HS6ST3: variants seen among roughly 807,000 people sequenced by gnomAD.
HS6ST3 encodes the protein heparan-sulfate 6-O-sulfotransferase 3.
In HS6ST3, 12 loss-of-function variants were observed where a neutral mutation model predicts 36.7. The observed-to-expected ratio is 0.33, with a 90% CI of 0.21 to 0.53. The LOEUF (loss-of-function observed/expected upper bound fraction) is 0.53. Ranked by LOEUF, HS6ST3 falls within the 20% of genes least tolerant of loss-of-function variation. The pLI is 0.95. For synonymous variants in HS6ST3, 240 were observed against 257.5 expected, an observed-to-expected ratio of 0.93 and a Z score of 0.65; for missense variants, 584 against 640.9, an observed-to-expected ratio of 0.91 and a Z score of 0.96.
chr13:96,721,425 C>G (rs945895802), intron 1 of HS6ST3, among the ~76,000 whole-genome samples: 33 of 152,086 alleles, frequency 2.2e-4, no homozygotes, highest in African/African-American at 8.0e-4. Context: ...TAATATTTCT[C>G]TAATAATAAT....
At chr13:96,749,715 C>G (rs1876652921) in intron 1 of HS6ST3, among the ~76,000 whole-genome samples, 1 of 151,956 alleles carries the variant, frequency 6.6e-6, no homozygotes, top group South Asian at 2.1e-4. Context: ...ATTTTAATTT[C>G]TTCTATGGTC....
intron 1 of HS6ST3, among the ~76,000 whole-genome samples, chr13:96,524,563 C>T (rs1036150524): frequency 7.2e-5 from 11 of 152,176 alleles, no homozygotes; most frequent in African/African-American, 2.2e-4. Flanking sequence ...AGCATAGAAC[C>T]GTCTGCTCAA....
intron 1 of HS6ST3, among the ~76,000 whole-genome samples, chr13:96,158,671 A>AAAG (rs2054121752): frequency 6.6e-6 from 1 of 151,190 alleles, no homozygotes; most frequent in African/African-American, 2.4e-5. Context: ...AAAAAAAAAA[A>AAAG]AAAATAGAGA....
intron 1 of HS6ST3, among the ~76,000 whole-genome samples, chr13:96,568,236 T>C (rs2138960194): frequency 6.6e-6 from 1 of 152,298 alleles, no homozygotes; most frequent in Admixed American, 6.5e-5. Context: ...ATATTCATAC[T>C]TCAGTGTATT....
chr13:96,498,493 C>A (rs1438663952), intron 1 of HS6ST3, among the ~76,000 whole-genome samples: 2 of 152,154 alleles, frequency 1.3e-5, no homozygotes, highest in Non-Finnish European at 2.9e-5. Context: ...TTAAATGTCT[C>A]CTCCTGATTG....
intron 1 of HS6ST3, among the ~76,000 whole-genome samples, chr13:96,618,877 C>T (rs2056484011): frequency 6.6e-6 from 1 of 152,168 alleles, no homozygotes; most frequent in African/African-American, 2.4e-5. Flanking sequence ...GGAAACAAAA[C>T]TTGAGTGCCA....
intron 1 of HS6ST3, among the ~76,000 whole-genome samples, chr13:96,151,132 C>G (rs991366123): frequency 2.0e-5 from 3 of 152,096 alleles, no homozygotes; most frequent in African/African-American, 7.2e-5. Context: ...CGCTGGGCAC[C>G]AGGGCTCATG....
At chr13:96,535,025 G>A (rs74107909) in intron 1 of HS6ST3, among the ~76,000 whole-genome samples, 10,440 of 152,234 alleles carry the variant, frequency 0.069, 428 homozygotes, top group African/African-American at 0.092. Flanking sequence ...TTCAAAGTAA[G>A]GCCTGCCCAG....
intron 1 of HS6ST3, among the ~76,000 whole-genome samples, chr13:96,139,097 G>T (rs113331045): frequency 0.02 from 3,056 of 152,178 alleles, 88 homozygotes; most frequent in African/African-American, 0.068. Flanking sequence ...CTGAGGAATT[G>T]TCACTTGAAG....
At chr13:96,604,781 G>C (rs1413547666) in intron 1 of HS6ST3, among the ~76,000 whole-genome samples, 1 of 152,114 alleles carries the variant, frequency 6.6e-6, no homozygotes, top group Non-Finnish European at 1.5e-5. Flanking sequence ...TTTTTACTTT[G>C]TTTCTTCTTT....
chr13:96,277,198 A>G (rs2054752533), intron 1 of HS6ST3, among the ~76,000 whole-genome samples: 1 of 152,176 alleles, frequency 6.6e-6, no homozygotes, highest in African/African-American at 2.4e-5. Flanking sequence ...CCATATTTCA[A>G]GTTCCATCCA....
chr13:96,636,241 G>T (rs1302647881), intron 1 of HS6ST3, among the ~76,000 whole-genome samples: 1 of 152,124 alleles, frequency 6.6e-6, no homozygotes, highest in Non-Finnish European at 1.5e-5. Flanking sequence ...TGAGAAAATC[G>T]TACAGCAAGC....
At chr13:96,562,403 T>C (rs560856687) in intron 1 of HS6ST3, among the ~76,000 whole-genome samples, 52 of 152,236 alleles carry the variant, frequency 3.4e-4, no homozygotes, top group African/African-American at 1.2e-3. Flanking sequence ...GTTGAAGAAC[T>C]GTTGGGTACT....
chr13:96,317,505 A>G (rs1178321254), intron 1 of HS6ST3, among the ~76,000 whole-genome samples: 1 of 150,802 alleles, frequency 6.6e-6, no homozygotes, highest in Non-Finnish European at 1.5e-5. Flanking sequence ...GCTATTGTGA[A>G]CAGCATGGCA....
intron 1 of HS6ST3, among the ~76,000 whole-genome samples, chr13:96,319,384 T>C (rs1039570894): frequency 5.9e-5 from 9 of 152,258 alleles, no homozygotes; most frequent in Non-Finnish European, 1.2e-4. Flanking sequence ...ATTTTGCTTA[T>C]CCATTCATCA....
intron 1 of HS6ST3, among the ~76,000 whole-genome samples, chr13:96,360,057 A>G (rs2055229746): frequency 6.6e-6 from 1 of 152,104 alleles, no homozygotes; most frequent in South Asian, 2.1e-4. Flanking sequence ...CTTCTGGAGG[A>G]CAGGGCAGAG....
At chr13:96,689,803 C>CAAGAAATAGAATTTT (rs71117607) in intron 1 of HS6ST3, among the ~76,000 whole-genome samples, 149,478 of 151,752 alleles carry the variant, frequency 0.99, 73,657 homozygotes, top group Middle Eastern at 1. Flanking sequence ...GGATGTTTGT[C>CAAGAAATAGAATTTT]AACTTCGGAG....
At chr13:96,789,419 A>G (rs1877726603) in intron 1 of HS6ST3, among the ~76,000 whole-genome samples, 1 of 151,780 alleles carries the variant, frequency 6.6e-6, no homozygotes, top group East Asian at 1.9e-4. Flanking sequence ...TGGATATTAG[A>G]TCCAATGGTT....
At chr13:96,398,069 A>G (rs4771942) in intron 1 of HS6ST3, among the ~76,000 whole-genome samples, 75,685 of 151,836 alleles carry the variant, frequency 0.5, 19,182 homozygotes, top group Middle Eastern at 0.6. Context: ...CTATCTTTGC[A>G]TCATGTTTTG....
Sources: gnomAD v4.1 joint callset for allele counts (sites outside exome capture counted in the v4.1 genomes callset) on GRCh38, gnomAD v4.1.1 for gene constraint, MANE v1.5 for transcripts, NCBI Gene and HGNC (gene_info 2026-07-23, HGNC 2026-07-21) for gene names.